Variants in KCNAB1 observed in about 807,000 individuals in gnomAD.
KCNAB1 encodes voltage-gated potassium channel subunit beta-1.
KCNAB1 carries 35 observed loss-of-function variants against 64.6 expected under a neutral mutation model. That is an observed-to-expected ratio of 0.54 (90% CI 0.41 to 0.72). The LOEUF (loss-of-function observed/expected upper bound fraction) is 0.72. Ranked by LOEUF, KCNAB1 falls within the 30% of genes least tolerant of loss-of-function variation. KCNAB1 has a pLI of 0.00. For missense variants in KCNAB1, 401 were observed against 512.9 expected, an observed-to-expected ratio of 0.78 and a Z score of 2.11; for synonymous variants, 177 against 183.8, an observed-to-expected ratio of 0.96 and a Z score of 0.30.
chr3:156,405,054 A>C (rs1263720296), intron 1 of KCNAB1, among the ~76,000 whole-genome samples: 4 of 152,230 alleles, frequency 2.6e-5, no homozygotes, highest in Non-Finnish European at 4.4e-5. Flanking sequence ...CTAGATGGTG[A>C]TAAACTCCTC....
At chr3:156,488,362 G>A (rs1196444805) in intron 8 of KCNAB1, among the ~76,000 whole-genome samples, 1 of 151,928 alleles carries the variant, frequency 6.6e-6, no homozygotes, top group Non-Finnish European at 1.5e-5. Context: ...GTTGGAGTTG[G>A]CCATTGAGAA....
intron 8 of KCNAB1, among the ~76,000 whole-genome samples, chr3:156,498,877 G>A (rs987760876): frequency 6.6e-6 from 1 of 152,200 alleles, no homozygotes; most frequent in Non-Finnish European, 1.5e-5. Context: ...TTGAAGAATT[G>A]TAACAGGGGA....
intron 1 of KCNAB1, among the ~76,000 whole-genome samples, chr3:156,312,034 A>G (rs776662505): frequency 2.6e-5 from 4 of 152,130 alleles, no homozygotes; most frequent in Non-Finnish European, 5.9e-5. Context: ...TTCTCCTGTT[A>G]TCTATAATTT....
At chr3:156,451,832 T>C (rs1271802209) in intron 2 of KCNAB1, among the ~76,000 whole-genome samples, 1 of 152,108 alleles carries the variant, frequency 6.6e-6, no homozygotes, top group Non-Finnish European at 1.5e-5. Flanking sequence ...AGAATGTCTG[T>C]CCCTTTCTTC....
At chr3:156,124,600 T>C (rs1713543000) in intron 1 of KCNAB1, among the ~76,000 whole-genome samples, 1 of 152,158 alleles carries the variant, frequency 6.6e-6, no homozygotes, top group Non-Finnish European at 1.5e-5. Context: ...TACAGAGATA[T>C]GCAAATATAT....
intron 1 of KCNAB1, among the ~76,000 whole-genome samples, chr3:156,124,181 A>C (rs1325558644): frequency 6.7e-6 from 1 of 149,032 alleles, no homozygotes; most frequent in Admixed American, 6.7e-5. Flanking sequence ...AAAAAACCAT[A>C]TTTCTGCTTA....
In KCNAB1 at chr3:156,537,585, C is replaced by CAAAG. The variant is rs1385739134; in HGVS notation, c.*842_*845dup. ...CTACACTGCTATGGAAACTTAGCTT[C>CAAAG]AAAGAAAATGCAATGTATCTGCAAT... On this transcript the variant is annotated 3_prime_UTR_variant, in exon 14 of 14. Transcript: ENST00000490337. The CAAAG allele has an allele frequency of 6.6e-6, 1 of 152,610 alleles. No individual in the cohort carries two copies. Among genetic ancestry groups the CAAAG allele is most frequent in the African/African-American group, 2.4e-5 (1 of 41,426 alleles). The allele number at this position is 152,610 out of a possible 1,614,324, so 9.5% of individuals were successfully genotyped here.
At chr3:156,151,741 A>G (rs1458043765) in intron 1 of KCNAB1, among the ~76,000 whole-genome samples, 1 of 152,180 alleles carries the variant, frequency 6.6e-6, no homozygotes, top group Non-Finnish European at 1.5e-5. Flanking sequence ...CCCCAATACA[A>G]TTAACAACTT....
intron 1 of KCNAB1, among the ~76,000 whole-genome samples, chr3:156,225,740 A>C (rs781326941): frequency 2.0e-5 from 3 of 152,234 alleles, no homozygotes; most frequent in Non-Finnish European, 4.4e-5. Context: ...ATACAAAATT[A>C]ATGCACACAA....
chr3:156,147,409 T>C (rs1377414630), intron 1 of KCNAB1, among the ~76,000 whole-genome samples: 2 of 152,212 alleles, frequency 1.3e-5, no homozygotes, highest in Non-Finnish European at 2.9e-5. Context: ...ATTACTATCA[T>C]ATCAAATAAT....
chr3:156,231,885 C>G (rs907502867), intron 1 of KCNAB1, among the ~76,000 whole-genome samples: 2 of 152,066 alleles, frequency 1.3e-5, no homozygotes, highest in Admixed American at 1.3e-4. Context: ...TCATGCCTTC[C>G]TAAAATGTAT....
chr3:156,146,102 G>A (rs1304890013), intron 1 of KCNAB1, among the ~76,000 whole-genome samples: 1 of 152,064 alleles, frequency 6.6e-6, no homozygotes, highest in East Asian at 1.9e-4. Flanking sequence ...ATTATGTTGT[G>A]TTTCCATGGA....
chr3:156,275,785 CCA>C (rs1240999839), intron 1 of KCNAB1, among the ~76,000 whole-genome samples: 2 of 152,150 alleles, frequency 1.3e-5, no homozygotes, highest in South Asian at 2.1e-4. Context: ...ACTATTAATT[CCA>C]GTTTTCTTTG....
At chr3:156,454,181 G>A (rs1712216285) in intron 3 of KCNAB1, among the ~76,000 whole-genome samples, 1 of 152,202 alleles carries the variant, frequency 6.6e-6, no homozygotes, top group South Asian at 2.1e-4. Flanking sequence ...CTTTAAGCTA[G>A]AGAGTAGCAT....
chr3:156,440,568 A>G (rs533601066), intron 2 of KCNAB1, among the ~76,000 whole-genome samples: 67 of 152,334 alleles, frequency 4.4e-4, no homozygotes, highest in African/African-American at 1.6e-3. Flanking sequence ...ATGATTTACT[A>G]TTGCTCCATT....
intron 1 of KCNAB1, among the ~76,000 whole-genome samples, chr3:156,278,951 AT>A (rs1719522052): frequency 6.6e-6 from 1 of 151,746 alleles, no homozygotes; most frequent in Non-Finnish European, 1.5e-5. Context: ...TTATTTTTTT[AT>A]TTATTTTTAT....
chr3:156,134,474 C>A (rs1714188406), intron 1 of KCNAB1, among the ~76,000 whole-genome samples: 1 of 152,208 alleles, frequency 6.6e-6, no homozygotes, highest in South Asian at 2.1e-4. Flanking sequence ...AATTGAGGTA[C>A]TCAACCAGGA....
At position 156,125,386 on chromosome 3, in the gene KCNAB1, C is replaced by T. The variant is rs150057763; in HGVS notation, c.275+4500C>T. Among the ~76,000 whole-genome samples, 7 of 152,280 alleles carry T rather than the reference C, an allele frequency of 4.6e-5. 1 individual carries two copies. Among genetic ancestry groups the T allele is most frequent in the African/African-American group, 1.7e-4 (7 of 41,564 alleles). On this transcript the variant is annotated intron_variant, in intron 1 of 13. Coordinates refer to ENST00000490337, the MANE Select transcript of KCNAB1 (RefSeq NM_172160.3). ...GCTCAATTAATATTTTATAAGAGAC[C>T]TTTGTGTGTCCTCACCAAAAGCTTT...
intron 8 of KCNAB1, among the ~76,000 whole-genome samples, chr3:156,483,637 A>G (rs1168873796): frequency 6.6e-6 from 1 of 151,926 alleles, no homozygotes; most frequent in African/African-American, 2.4e-5. Flanking sequence ...TCTTTGTTTC[A>G]CTTTCTTTCT....
Sources: allele counts gnomAD v4.1 joint callset (sites outside exome capture counted in the v4.1 genomes callset), GRCh38; gene constraint gnomAD v4.1.1; transcripts MANE v1.5; gene names NCBI Gene and HGNC (gene_info 2026-07-23, HGNC 2026-07-21).